The following FANCB variants were observed in gnomAD, a reference collection of about 807,000 sequenced individuals.
The protein encoded by FANCB is Fanconi anemia group B protein.
FANCB carries 5 observed loss-of-function variants against 38.9 expected under a neutral mutation model. That is an observed-to-expected ratio of 0.13 (90% CI 0.07 to 0.27). The LOEUF (loss-of-function observed/expected upper bound fraction) is 0.27. FANCB is among the 10% of genes least tolerant of loss of function. FANCB has a pLI of 1.00. For synonymous variants in FANCB, 236 were observed against 215.4 expected (o/e 1.10, Z -0.84); for missense variants, 573 against 602.7 (o/e 0.95, Z 0.52).
chrX:14,808,446 G>A, the FANCB span, among the ~76,000 whole-genome samples: 1 of 111,834 alleles, frequency 8.9e-6, no homozygotes, highest in African/African-American at 3.3e-5. Context: ...CATATCAACA[G>A]AATGAAGAAT....
chrX:14,768,073 G>T, the FANCB span, among the ~76,000 whole-genome samples: 1 of 111,666 alleles, frequency 9.0e-6, no homozygotes, highest in Non-Finnish European at 1.9e-5. Context: ...ATGCTGTTTT[G>T]GTTACTGTAG....
intron 7 of FANCB, 113 bp from the exon 8 acceptor site, chrX:14,845,399 A>C (rs2092372261): frequency 1.7e-6 from 1 of 593,899 alleles, no homozygotes. Flanking sequence ...CCTTTCCTAG[A>C]AAACATCATT....
intron 7 of FANCB, among the ~76,000 whole-genome samples, chrX:14,845,843 T>C (rs977465797): frequency 8.9e-6 from 1 of 111,968 alleles, no homozygotes; most frequent in African/African-American, 3.2e-5. Flanking sequence ...CATATCTACA[T>C]TTATAATAAT....
At chrX:14,799,367 T>C in the FANCB span, among the ~76,000 whole-genome samples, 1 of 112,032 alleles carries the variant, frequency 8.9e-6, no homozygotes, top group Non-Finnish European at 1.9e-5. Context: ...CTACCAGTGT[T>C]TGGGGACCTC....
intron 5 of FANCB, 101 bp from the exon 6 acceptor site, chrX:14,853,268 T>C: frequency 1.3e-6 from 1 of 752,582 alleles, no homozygotes; most frequent in Non-Finnish European, 2.0e-6. Context: ...TGCTTATCAA[T>C]TCATTTTTCT....
Position 14,859,325 on chromosome X carries a change from T to C in FANCB, c.961A>G (p.Lys321Glu), listed in dbSNP as rs771467972. 1.7e-6 allele frequency: 2 copies of C among 1,190,127 alleles called. No homozygotes were observed. The highest frequency in any genetic ancestry group is 3.0e-5 in the East Asian group (1 of 33,599). ...AGTACTAAGCTAAGTTTTTCCCATT[T>C]AGCAGCAACCTAAAAGAAAGGGAGC... Reference protein sequence around the residue: ...VWKESFQVAAKWEKLSLVLID... With the variant: ...VWKESFQVAAEWEKLSLVLID... The change falls in exon 4 of 10, where the codon AAA becomes GAA. Residue 321 changes from lysine (K) to glutamate (E), a missense_variant. By Grantham distance (56) the Lys-to-Glu change is moderately conservative. Transcript: ENST00000650831.
In FANCB at chrX:14,865,515, C is replaced by T. The variant is rs754812432; in HGVS notation, c.-5G>A. On this transcript the variant is annotated 5_prime_UTR_variant, in exon 3 of 10. The change creates a new upstream start codon in the 5' untranslated region. Transcript: ENST00000650831. ...CATTGCTTGTTTGCTAGTCATTCCA[C>T]AATATCAAGTCTTTGTGCTGATCTA... The T allele has an allele frequency of 1.7e-6, 2 of 1,145,832 alleles. No homozygotes were observed. The highest frequency in any genetic ancestry group is 3.6e-5 in the South Asian group (2 of 55,576). The allele number at this position is 1,145,832 out of a possible 1,213,427, so 94.4% of individuals were successfully genotyped here.
the FANCB span, among the ~76,000 whole-genome samples, chrX:14,800,932 C>A: frequency 1.8e-5 from 2 of 111,549 alleles, no homozygotes; most frequent in African/African-American, 3.3e-5. Flanking sequence ...CACCACTGCT[C>A]ATTAGTAAGT....
chrX:14,781,186 T>C, the FANCB span, among the ~76,000 whole-genome samples: 1 of 107,531 alleles, frequency 9.3e-6, no homozygotes, highest in Non-Finnish European at 1.9e-5. Flanking sequence ...TCCCAAAACT[T>C]TGGGAGGCTC....
chrX:14,730,893 C>T, the FANCB span: 10 of 837 alleles, frequency 0.012, no homozygotes, highest in East Asian at 0.6. Flanking sequence ...GTTAGCTATA[C>T]ACACACACAC....
the FANCB span, among the ~76,000 whole-genome samples, chrX:14,691,293 G>A: frequency 1.9e-5 from 2 of 103,163 alleles, no homozygotes; most frequent in East Asian, 6.0e-4. Context: ...GTGTGTGTGT[G>A]TGTGTGTGTG....
At chrX:14,711,256 A>G in the FANCB span, among the ~76,000 whole-genome samples, 1 of 112,311 alleles carries the variant, frequency 8.9e-6, no homozygotes, top group African/African-American at 3.2e-5. Context: ...CTTGCCCCCA[A>G]ACTTATTCTC....
At chrX:14,744,814 A>T in the FANCB span, among the ~76,000 whole-genome samples, 1 of 111,386 alleles carries the variant, frequency 9.0e-6, no homozygotes, top group African/African-American at 3.3e-5. Flanking sequence ...ATGGGCTCAC[A>T]TGTCAGGGTC....
At chrX:14,788,340 C>T in the FANCB span, among the ~76,000 whole-genome samples, 40 of 111,638 alleles carry the variant, frequency 3.6e-4, no homozygotes, top group Non-Finnish European at 6.8e-4. Context: ...CTGTGGAATA[C>T]GGACTCAGAC....
At chrX:14,812,888 T>C in the FANCB span, among the ~76,000 whole-genome samples, 5 of 106,814 alleles carry the variant, frequency 4.7e-5, no homozygotes, top group East Asian at 5.8e-4. Flanking sequence ...ACCAATATCC[T>C]TGATGAACAT....
chrX:14,733,978 T>C, the FANCB span, among the ~76,000 whole-genome samples: 2 of 112,522 alleles, frequency 1.8e-5, no homozygotes, highest in African/African-American at 6.5e-5. Flanking sequence ...GTATTAAGTA[T>C]TTTAATATTC....
In FANCB at chrX:14,865,219, T is replaced by C. The variant is rs2092464184; in HGVS notation, c.292A>G (p.Lys98Glu). Residue 98 changes from lysine (K) to glutamate (E), a missense_variant, in exon 3 of 10, where the codon AAA (lysine) becomes GAA (glutamate). Transcript: ENST00000650831. ...TCAAAAACATTATTCTTTTTATTTT[T>C]TTCTATCACAATGTAAGGGAGGTTA... is the stretch of plus-strand genomic sequence containing the variant. ...GINLPYIVIE[K>E]NKKNNVFEYF... 1 of 1,157,338 alleles carries C rather than the reference T, an allele frequency of 8.6e-7. No homozygotes were observed.
chrX:14,690,949 A>G, the FANCB span: 6 of 963,095 alleles, frequency 6.2e-6, no homozygotes, highest in East Asian at 1.9e-4. Flanking sequence ...CACAATAAGC[A>G]AGAAGCCAAG....
the FANCB span, among the ~76,000 whole-genome samples, chrX:14,710,298 GA>G: frequency 8.9e-6 from 1 of 112,054 alleles, no homozygotes; most frequent in African/African-American, 3.2e-5. Context: ...AGCAGAAATT[GA>G]GCAGTAAGAG....
Sources: gnomAD v4.1 joint callset for allele counts (sites outside exome capture counted in the v4.1 genomes callset) on GRCh38, gnomAD v4.1.1 for gene constraint, MANE v1.5 for transcripts, NCBI Gene and HGNC (gene_info 2026-07-23, HGNC 2026-07-21) for gene names.